Variants in DNAAF2 observed in about 807,000 individuals in gnomAD.
DNAAF2 encodes protein kintoun.
Under a neutral mutation model 48.8 loss-of-function variants are expected in DNAAF2, and 58 were observed. The ratio of observed to expected loss-of-function variants is 1.19; its 90% CI spans 0.96 to 1.48. The LOEUF (loss-of-function observed/expected upper bound fraction) is 1.48, where lower values mean the gene tolerates loss of function less well. Ranked by LOEUF, DNAAF2 falls within the 40% of genes most tolerant of loss-of-function variation. The pLI is 0.00. For missense variants in DNAAF2, 1,241 were observed against 1,116.1 expected (o/e 1.11, Z -1.59); for synonymous variants, 567 against 481.2 (o/e 1.18, Z -2.33).
Position 49,630,756 on chromosome 14 carries a change from C to CACACT in DNAAF2, c.1863+2530_1863+2531insAGTGT, listed in dbSNP as rs1555327722. Among the ~76,000 whole-genome samples the CACACT allele has an allele frequency of 9.7e-3, 1,351 of 138,866 alleles. 29 individuals are homozygous for CACACT. Among genetic ancestry groups the CACACT allele is most frequent in the African/African-American group, 0.032 (1,242 of 38,306 alleles). 91.1% of individuals were successfully genotyped at this position (138,866 alleles called of 152,430 possible). On this transcript the variant is annotated intron_variant, in intron 1 of 2. Transcript: ENST00000298292. ...CAAACTCTCTACACACACACACACA[C>CACACT]TTTTTTTTTTTTTGAGAAAGAGTCT...
intron 1 of DNAAF2, among the ~76,000 whole-genome samples, chr14:49,633,016 G>T (rs1883203456): frequency 1.3e-5 from 2 of 151,278 alleles, no homozygotes; most frequent in African/African-American, 4.9e-5. Flanking sequence ...TCGCCTCCCG[G>T]GTTCAAGCGA....
intron 1 of DNAAF2, among the ~76,000 whole-genome samples, chr14:49,630,740 T>TACACACACAAACAC (rs370114272): frequency 7.3e-6 from 1 of 136,846 alleles, no homozygotes; most frequent in Non-Finnish European, 1.5e-5. Context: ...ACAAACTCTC[T>TACACACACAAACAC]ACACACACAC....
At position 49,633,618 on chromosome 14, in the gene DNAAF2, C is replaced by T; in HGVS notation, c.1532G>A (p.Gly511Asp). 1.2e-6 allele frequency: 2 copies of T among 1,613,718 alleles called. No individual in the cohort carries two copies. Among genetic ancestry groups the T allele is most frequent in the South Asian group, 1.1e-5 (1 of 91,092 alleles). ...CTCCCCGCTCTTGGTCCCGGGACCACCCATGGCGCAGGCTGAGCGCTGGCC... is the reference window on the plus strand; with the variant it reads ...CTCCCCGCTCTTGGTCCCGGGACCATCCATGGCGCAGGCTGAGCGCTGGCC... ...TGGQRSACAM[G>D]GPGTKSGEPL... The change falls in exon 1 of 3, where the codon GGT becomes GAT. Residue 511 changes from glycine to aspartate, a missense_variant. By Grantham distance (94) the Gly-to-Asp change is moderately conservative. Transcript: ENST00000298292.
At chr14:49,626,799 C>CTTTTTTTTTT (rs34085502) in intron 2 of DNAAF2, among the ~76,000 whole-genome samples, 3 of 63,408 alleles carry the variant, frequency 4.7e-5, no homozygotes, top group Admixed American at 2.5e-4. Flanking sequence ...TGCTGCCAGT[C>CTTTTTTTTTT]TTTTTTTTTT....
At chr14:49,627,959 G>T in intron 2 of DNAAF2, 53 bp downstream of exon 2, 5 of 1,457,492 alleles carry the variant, frequency 3.4e-6, no homozygotes, top group African/African-American at 1.5e-5. Flanking sequence ...TAATTTGTTA[G>T]GTTTTAACTC....
chr14:49,626,797 GTC>G (rs1421461767), intron 2 of DNAAF2, among the ~76,000 whole-genome samples: 3 of 97,526 alleles, frequency 3.1e-5, no homozygotes, highest in African/African-American at 1.3e-4. Flanking sequence ...TCTGCTGCCA[GTC>G]TTTTTTTTTT....
chr14:49,633,149 T>C (rs1883207099), intron 1 of DNAAF2, 138 bp downstream of exon 1: 3 of 983,342 alleles, frequency 3.1e-6, no homozygotes, highest in South Asian at 1.7e-5. Context: ...CTAGAACTCC[T>C]GACCTCGTGA....
intron 1 of DNAAF2, among the ~76,000 whole-genome samples, chr14:49,631,696 A>G (rs1883169895): frequency 6.6e-6 from 1 of 152,200 alleles, no homozygotes; most frequent in South Asian, 2.1e-4. Flanking sequence ...ATGAACTGAA[A>G]AAGTTACTGA....
chr14:49,625,973 T>C lies in DNAAF2; in HGVS notation c.2083A>G (p.Lys695Glu), dbSNP rs1359056891. 3 of 1,602,704 alleles carry C rather than the reference T, an allele frequency of 1.9e-6. No individual in the cohort carries two copies. The highest frequency in any genetic ancestry group is 2.5e-6 in the Non-Finnish European group (3 of 1,176,544). ...GTGTTACAATGTTCTATATATTCCT[T>C]TTCAGTTAGATGACTTTCTTCATTT... ...RVNEESHLTE[K>E]EYIEHCNTPT... The change falls in exon 3 of 3, where the codon AAG becomes GAG. Residue 695 changes from lysine to glutamate, a missense_variant. Coordinates refer to ENST00000298292, the MANE Select transcript of DNAAF2 (RefSeq NM_018139.3).
rs1055302689 is a variant in DNAAF2, at chr14:49,630,811, C to T, written c.1863+2476G>A. Among the ~76,000 whole-genome samples the T allele has an allele frequency of 4.0e-5, 6 of 151,496 alleles. No homozygotes were observed. In the East Asian group the frequency reaches 1.2e-3, roughly 29 times the overall value. On this transcript the variant is annotated intron_variant, in intron 1 of 2. Coordinates refer to ENST00000298292, the MANE Select transcript of DNAAF2 (RefSeq NM_018139.3). ...CTGTCACCAGGCTGGAGTACAACTG[C>T]GTGATCTCAGCTCACTGCAACCTCC...
At chr14:49,627,067 G>T (rs1186348629) in intron 2 of DNAAF2, among the ~76,000 whole-genome samples, 1 of 152,048 alleles carries the variant, frequency 6.6e-6, no homozygotes, top group African/African-American at 2.4e-5. Context: ...GTCTCCCAAA[G>T]TGCTGGGATT....
At chr14:49,630,937 G>A (rs1028231188) in intron 1 of DNAAF2, among the ~76,000 whole-genome samples, 1 of 152,028 alleles carries the variant, frequency 6.6e-6, no homozygotes, top group Non-Finnish European at 1.5e-5. Context: ...TTTTAGTAGA[G>A]ACAGGGTTTC....
At position 49,633,554 on chromosome 14, in the gene DNAAF2, T is replaced by G. The variant is rs374369407; in HGVS notation, c.1596A>C (p.Glu532Asp). The G allele has an allele frequency of 4.2e-5, 67 of 1,613,874 alleles. No individual in the cohort carries two copies. Among genetic ancestry groups the G allele is most frequent in the Non-Finnish European group, 5.4e-5 (64 of 1,179,884 alleles). ...CPPLLCNQDK[E>D]TLTLLIQVPR... ...GCACCTGAATGAGCAGAGTCAAGGT[T>G]TCTTTGTCCTGATTACACAGTAACG... The change falls in exon 1 of 3, where the codon GAA becomes GAC. Residue 532 changes from glutamate to aspartate, a missense_variant. Coordinates refer to ENST00000298292, the MANE Select transcript of DNAAF2 (RefSeq NM_018139.3).
intron 2 of DNAAF2, 95 bp from the exon 3 acceptor site, chr14:49,626,143 G>T: frequency 9.5e-7 from 1 of 1,056,052 alleles, no homozygotes; most frequent in South Asian, 2.9e-5. Flanking sequence ...ACAGTTGTGA[G>T]GTAATAGCCC....
chr14:49,634,280 C>A lies in DNAAF2; in HGVS notation c.870G>T (p.Pro290=). The A allele has an allele frequency of 6.2e-7, 1 of 1,612,176 alleles. No homozygotes were observed. The highest frequency in any genetic ancestry group is 8.5e-7 in the Non-Finnish European group (1 of 1,179,786). Residue 290 remains proline, a synonymous_variant, in exon 1 of 3, where the codon CCG becomes CCT. Transcript: ENST00000298292. The part of the protein sequence containing the change: ...PHELVITIEL[P]LLRSAEQAAL... ...CCGCCTGCTCGGCCGAGCGCAACAG[C>A]GGCAGTTCGATGGTGATCACCAGCT...
rs1594603843 is a variant in DNAAF2 at position 49,628,093 on chromosome 14, T to G, written c.1926A>C (p.Pro642=). The change falls in exon 2 of 3, where the codon CCA becomes CCC. Residue 642 remains proline (P), a synonymous_variant. Transcript: ENST00000298292. ...GGGTCAAGGACATAGACTGTTTGAA[T>G]GGAGAGCTCAGGACCTCTTCAAGAA... is the stretch of plus-strand genomic sequence containing the variant. ...NEFLEEVLSS[P]FKQSMSLTPP... The G allele has an allele frequency of 6.3e-7, 1 of 1,591,326 alleles. No homozygotes were observed. Among genetic ancestry groups the G allele is most frequent in the African/African-American group, 1.3e-5 (1 of 74,560 alleles).
In DNAAF2 at chr14:49,628,086, GT is replaced by G; in HGVS notation, c.1932del (p.Lys644AsnfsTer6). The G allele has an allele frequency of 6.3e-7, 1 of 1,589,062 alleles. No homozygotes were observed. Among genetic ancestry groups the G allele is most frequent in the Non-Finnish European group, 8.6e-7 (1 of 1,165,804 alleles). On this transcript the variant is annotated frameshift_variant, in exon 2 of 3. Transcript: ENST00000298292. LOFTEE classifies it high-confidence loss of function. The part of the protein sequence containing the change: ...FLEEVLSSPF[K>X]QSMSLTPPLI... Reference sequence around the variant, plus strand: ...AATGGTGGGGTCAAGGACATAGACTGTTTGAATGGAGAGCTCAGGACCTCTT... The same window carrying G: ...AATGGTGGGGTCAAGGACATAGACTGTTGAATGGAGAGCTCAGGACCTCTT...
rs749065728 is a variant in DNAAF2 at position 49,635,093 on chromosome 14, C to G, written c.57G>C (p.Glu19Asp). Residue 19 changes from glutamate to aspartate, a missense_variant, in exon 1 of 3, where the codon GAG (glutamate) becomes GAC (aspartate). Physicochemically the swap from Glu to Asp is conservative, Grantham distance 45. Transcript: ENST00000298292. The part of the protein sequence containing the change: ...SLEDLDLSGE[E>D]VQRLTSAFQD... ...GGAAGGCGGAGGTGAGCCGCTGGAC[C>G]TCCTCTCCGCTCAGGTCCAAGTCCT... 1.9e-6 allele frequency: 3 copies of G among 1,580,504 alleles called. No homozygotes were observed. Among genetic ancestry groups the G allele is most frequent in the East Asian group, 2.3e-5 (1 of 42,834 alleles).
In DNAAF2 at chr14:49,634,475, G is replaced by T; in HGVS notation, c.675C>A (p.Pro225=). ...GGGCTGCCGGGTACTGGTAAGGGTAGGGGAAGTCCGGGAGAGGACCCTTCG... is the reference window on the plus strand; with the variant it reads ...GGGCTGCCGGGTACTGGTAAGGGTATGGGAAGTCCGGGAGAGGACCCTTCG... ...GEPKGPLPDF[P]YPYQYPAAPG... is the part of the protein sequence containing the mutation. Residue 225 remains proline, a synonymous_variant, in exon 1 of 3, where the codon CCC becomes CCA. Transcript: ENST00000298292. 1 of 1,580,358 alleles carries T rather than the reference G, an allele frequency of 6.3e-7. No homozygotes were observed. Among genetic ancestry groups the T allele is most frequent in the East Asian group, 2.3e-5 (1 of 43,966 alleles).
Sources: allele counts gnomAD v4.1 joint callset (sites outside exome capture counted in the v4.1 genomes callset), GRCh38; gene constraint gnomAD v4.1.1; transcripts MANE v1.5; gene names NCBI Gene and HGNC (gene_info 2026-07-23, HGNC 2026-07-21).